The following NDST1 variants were observed in gnomAD, a reference collection of about 807,000 sequenced individuals.
NDST1 encodes bifunctional heparan sulfate N-deacetylase/N-sulfotransferase 1.
A neutral mutation model predicts 92.8 loss-of-function variants in NDST1; 35 were observed. The observed-to-expected ratio is 0.38, with a 90% CI of 0.29 to 0.50. The LOEUF is 0.50. NDST1 is among the 20% of genes least tolerant of loss of function. NDST1 has a pLI of 0.94. For synonymous variants in NDST1, 493 were observed against 500.3 expected, an observed-to-expected ratio of 0.99 and a Z score of 0.19; for missense variants, 822 against 1,182.7, an observed-to-expected ratio of 0.69 and a Z score of 4.47.
intron 2 of NDST1, among the ~76,000 whole-genome samples, chr5:150,526,795 A>G (rs1754496806): frequency 1.3e-5 from 2 of 152,228 alleles, no homozygotes; most frequent in South Asian, 4.1e-4. Flanking sequence ...AAATTGTACC[A>G]TATTCAGGGG....
In NDST1 at chr5:150,551,805, A is replaced by T; in HGVS notation, c.2479A>T (p.Lys827Ter). The change falls in exon 14 of 15, where the codon AAG (lysine) becomes TAG (stop). Residue 827 changes from lysine to a stop codon, truncating the protein, a stop_gained. Coordinates refer to ENST00000261797, the MANE Select transcript of NDST1 (RefSeq NM_001543.5). LOFTEE classifies it high-confidence loss of function. Reference protein sequence around the residue: ...WCQLLEGGKTKCLGKSKGRKY... With the variant: ...WCQLLEGGKT ...CCAACTGCTTGAAGGAGGAAAAACC[A>T]AGTGTCTGGGCAAAAGCAAGGGCCG... The T allele has an allele frequency of 6.2e-7, 1 of 1,613,722 alleles. No individual in the cohort carries two copies. The highest frequency in any genetic ancestry group is 8.5e-7 in the Non-Finnish European group (1 of 1,179,700).
Position 150,520,944 on chromosome 5 carries a change from C to T in NDST1, c.-311C>T, listed in dbSNP as rs1437919977. On this transcript the variant is annotated 5_prime_UTR_variant, in exon 2 of 15. Transcript: ENST00000261797. Reference sequence around the variant, plus strand: ...TGTCCAGTGTCCTCTGGCCTGCTGCCCTGCACCCCCAGAAGGCCCTGACGC... The same window carrying T: ...TGTCCAGTGTCCTCTGGCCTGCTGCTCTGCACCCCCAGAAGGCCCTGACGC... The T allele has an allele frequency of 1.8e-6, 1 of 555,200 alleles. No individual in the cohort carries two copies. Among genetic ancestry groups the T allele is most frequent in the Non-Finnish European group, 3.2e-6 (1 of 315,646 alleles). The allele number at this position is 555,200 out of a possible 1,614,324, so 34.4% of individuals were successfully genotyped here. A position where few individuals can be genotyped will look rare whatever the true frequency, so the allele number is the denominator to read the frequency against.
chr5:150,551,669 T>C (rs1755733796), intron 13 of NDST1, 84 bp from the exon 14 acceptor site: 2 of 1,536,626 alleles, frequency 1.3e-6, no homozygotes, highest in East Asian at 4.7e-5. Flanking sequence ...GTCTCTGCCA[T>C]TCCTGGGGTC....
At chr5:150,517,642 A>G (rs1434942015) in intron 1 of NDST1, among the ~76,000 whole-genome samples, 3 of 152,032 alleles carry the variant, frequency 2.0e-5, no homozygotes, top group Non-Finnish European at 4.4e-5. Context: ...GCTGATTCAT[A>G]CTCTCAACCC....
intron 9 of NDST1, among the ~76,000 whole-genome samples, chr5:150,542,359 G>A (rs1561605482): frequency 6.6e-6 from 1 of 152,152 alleles, no homozygotes; most frequent in Non-Finnish European, 1.5e-5. Context: ...GTGAGCAGAG[G>A]GTATTGGGAA....
upstream of NDST1, among the ~76,000 whole-genome samples, chr5:150,504,589 G>C (rs368428752): frequency 1.3e-5 from 2 of 152,118 alleles, no homozygotes; most frequent in East Asian, 3.9e-4. Flanking sequence ...GAGTCTCCCC[G>C]ACAGAGCTGT....
In NDST1 at chr5:150,521,264, C is replaced by A; in HGVS notation, c.10C>A (p.Leu4Met). MPA[L>M]ACLRRLCRHV... is the part of the protein sequence containing the mutation. Reference sequence around the variant, plus strand: ...GGTCTCGGAGGCCAGGATGCCTGCCCTGGCATGCCTCCGGAGGCTGTGTCG... The same window carrying A: ...GGTCTCGGAGGCCAGGATGCCTGCCATGGCATGCCTCCGGAGGCTGTGTCG... Residue 4 changes from leucine to methionine, a missense_variant, in exon 2 of 15, where the codon CTG becomes ATG. Coordinates refer to ENST00000261797, the MANE Select transcript of NDST1 (RefSeq NM_001543.5). The surrounding 1 kb of genome is among the most constrained non-coding windows in gnomAD (Gnocchi z 5.9). The A allele has an allele frequency of 6.2e-7, 1 of 1,607,514 alleles. No individual in the cohort carries two copies. The highest frequency in any genetic ancestry group is 8.5e-7 in the Non-Finnish European group (1 of 1,178,306).
At chr5:150,499,657 C>T (rs1753146484) in intron 1 of NDST1, among the ~76,000 whole-genome samples, 1 of 152,218 alleles carries the variant, frequency 6.6e-6, no homozygotes. Flanking sequence ...TGCTAGAGGC[C>T]TCTGGGTCAG....
intron 1 of NDST1, among the ~76,000 whole-genome samples, chr5:150,510,833 C>T (rs768419412): frequency 3.9e-4 from 59 of 152,208 alleles, no homozygotes; most frequent in Admixed American, 8.5e-4. Flanking sequence ...CAAGAAAGAT[C>T]ACTAGAGGCT....
At chr5:150,522,585 T>C (rs182207828) in intron 2 of NDST1, among the ~76,000 whole-genome samples, 2 of 152,290 alleles carry the variant, frequency 1.3e-5, no homozygotes, top group East Asian at 3.9e-4. Flanking sequence ...TCAACAAATA[T>C]TTACTGAGCA....
At chr5:150,548,466 T>C in intron 12 of NDST1, 78 bp downstream of exon 12, 1 of 1,519,952 alleles carries the variant, frequency 6.6e-7, no homozygotes, top group Non-Finnish European at 8.9e-7. Context: ...TCCAACTCTT[T>C]CTCACCAGCC....
At chr5:150,525,725 A>G (rs1414437697) in intron 2 of NDST1, among the ~76,000 whole-genome samples, 1 of 152,098 alleles carries the variant, frequency 6.6e-6, no homozygotes, top group Non-Finnish European at 1.5e-5. Context: ...CAGCTCTGCA[A>G]CGGGCACAGG....
At chr5:150,546,229 C>T (rs931443551) in intron 11 of NDST1, among the ~76,000 whole-genome samples, 16 of 152,104 alleles carry the variant, frequency 1.1e-4, no homozygotes, top group Admixed American at 6.5e-4. Flanking sequence ...AACTCCTGAC[C>T]TCGTGATCTT....
chr5:150,519,917 G>A (rs1754163309), intron 1 of NDST1, among the ~76,000 whole-genome samples: 1 of 152,138 alleles, frequency 6.6e-6, no homozygotes, highest in Non-Finnish European at 1.5e-5. Context: ...GGTTCAGGCT[G>A]AGGGGGAGGC....
intron 2 of NDST1, among the ~76,000 whole-genome samples, chr5:150,524,048 C>T (rs1754360307): frequency 6.6e-6 from 1 of 152,224 alleles, no homozygotes; most frequent in South Asian, 2.1e-4. Flanking sequence ...GATCTGAAAA[C>T]TCATTTTCCA....
At chr5:150,506,336 C>T (rs1753454934), upstream of NDST1, among the ~76,000 whole-genome samples, 1 of 152,160 alleles carries the variant, frequency 6.6e-6, no homozygotes, top group African/African-American at 2.4e-5. Flanking sequence ...TGGTGTTGAA[C>T]TCCTGGTCTC....
chr5:150,499,663 G>A (rs1207421236), intron 1 of NDST1, among the ~76,000 whole-genome samples: 3 of 152,182 alleles, frequency 2.0e-5, no homozygotes, highest in African/African-American at 7.2e-5. Flanking sequence ...AGGCCTCTGG[G>A]TCAGCCTGCT....
At chr5:150,529,461 T>C (rs1261798873) in intron 3 of NDST1, among the ~76,000 whole-genome samples, 1 of 151,150 alleles carries the variant, frequency 6.6e-6, no homozygotes, top group Non-Finnish European at 1.5e-5. Flanking sequence ...GACCACAAGA[T>C]TTTACACACA....
At chr5:150,527,382 C>T (rs1754521427) in intron 2 of NDST1, among the ~76,000 whole-genome samples, 1 of 152,182 alleles carries the variant, frequency 6.6e-6, no homozygotes, top group Admixed American at 6.5e-5. Flanking sequence ...CTGTTCTTAG[C>T]CACATTTTAC....
Sources: gnomAD v4.1 joint callset for allele counts (sites outside exome capture counted in the v4.1 genomes callset) on GRCh38, gnomAD v4.1.1 for gene constraint, Gnocchi (gnomAD v3.1) non-coding constraint, MANE v1.5 for transcripts, NCBI Gene and HGNC (gene_info 2026-07-23, HGNC 2026-07-21) for gene names.